LARP4B: variants seen among roughly 807,000 people sequenced by gnomAD.
The protein encoded by LARP4B is La ribonucleoprotein 4B, also known as la-related protein 4B.
Under a neutral mutation model 89.8 loss-of-function variants are expected in LARP4B, and 12 were observed. That is an observed-to-expected ratio of 0.13 (90% CI 0.09 to 0.22). The LOEUF (loss-of-function observed/expected upper bound fraction) is 0.22. LARP4B is among the 10% of genes least tolerant of loss of function. The pLI is 1.00. For missense variants in LARP4B, 757 were observed against 947.7 expected (o/e 0.80, Z 2.64); for synonymous variants, 367 against 363.3 (o/e 1.01, Z -0.12).
chr10:921,380 T>C (rs1836974274), intron 1 of LARP4B, among the ~76,000 whole-genome samples: 1 of 152,202 alleles, frequency 6.6e-6, no homozygotes, highest in South Asian at 2.1e-4. Flanking sequence ...TATAACGATT[T>C]TGGGAAAACA....
At chr10:851,761 C>A (rs1364852768) in intron 5 of LARP4B, among the ~76,000 whole-genome samples, 1 of 152,080 alleles carries the variant, frequency 6.6e-6, no homozygotes, top group Non-Finnish European at 1.5e-5. Context: ...GAAAGCTTTC[C>A]CACAAATAAA....
At position 863,753 on chromosome 10, in the gene LARP4B, A is replaced by G. The variant is rs1419749059; in HGVS notation, c.420T>C (p.Asn140=). Residue 140 remains asparagine (N), a synonymous_variant, in exon 5 of 18, where the codon AAT becomes AAC. Coordinates refer to ENST00000316157, the MANE Select transcript of LARP4B (RefSeq NM_015155.3). ...GPSEYDSLPE[N]SETGGNESQP... is the part of the protein sequence containing the mutation. ...ATAAGATATGTTTACCTGTCTCGCT[A>G]TTTTCAGGCAGAGAGTCATATTCTG... 1.2e-6 allele frequency: 2 copies of G among 1,605,488 alleles called. No individual in the cohort carries two copies. Among genetic ancestry groups the G allele is most frequent in the South Asian group, 1.1e-5 (1 of 89,434 alleles).
chr10:829,633 G>A, intron 10 of LARP4B, 39 bp from the exon 11 acceptor site: 1 of 1,609,246 alleles, frequency 6.2e-7, no homozygotes, highest in Non-Finnish European at 8.5e-7. Context: ...GAATACTTAA[G>A]AACATCAATT....
At chr10:941,939 C>T in the LARP4B span, among the ~76,000 whole-genome samples, 2 of 152,098 alleles carry the variant, frequency 1.3e-5, no homozygotes, top group African/African-American at 2.4e-5. Flanking sequence ...GCATGTATGG[C>T]TCAGTACATT....
chr10:875,940 G>C (rs1420109487), intron 3 of LARP4B, among the ~76,000 whole-genome samples: 1 of 152,138 alleles, frequency 6.6e-6, no homozygotes, highest in Non-Finnish European at 1.5e-5. Flanking sequence ...ACTCATTTCA[G>C]CATCAACTTA....
Position 813,150 on chromosome 10 carries a change from G to A in LARP4B, c.1993C>T (p.Pro665Ser), listed in dbSNP as rs1447822598. ...TTTTGTTCTTTTTGGGGTTGCAATG[G>A]GGAAGAAGGAGGCTCTTTACTCGTT... ...QRTSKEPPSS[P>S]LQPQKEQKPN... Residue 665 changes from proline to serine, a missense_variant, in exon 18 of 18, where the codon CCA becomes TCA. Physicochemically the swap from Pro to Ser is moderately conservative, Grantham distance 74. Transcript: ENST00000316157. 1 of 1,613,876 alleles carries A rather than the reference G, an allele frequency of 6.2e-7. No homozygotes were observed. Among genetic ancestry groups the A allele is most frequent in the African/African-American group, 1.3e-5 (1 of 74,878 alleles).
At chr10:916,998 G>A (rs1836838918) in intron 1 of LARP4B, among the ~76,000 whole-genome samples, 1 of 152,122 alleles carries the variant, frequency 6.6e-6, no homozygotes, top group South Asian at 2.1e-4. Flanking sequence ...GCGCCAGGTG[G>A]TAAGTACTCT....
chr10:916,143 CATGAG>C (rs980010242), intron 1 of LARP4B, among the ~76,000 whole-genome samples: 2 of 152,166 alleles, frequency 1.3e-5, no homozygotes, highest in Non-Finnish European at 2.9e-5. Flanking sequence ...TCCAACGTTA[CATGAG>C]ATTTCTGAAA....
At chr10:854,306 C>T (rs962222835) in intron 5 of LARP4B, among the ~76,000 whole-genome samples, 1 of 152,146 alleles carries the variant, frequency 6.6e-6, no homozygotes, top group African/African-American at 2.4e-5. Context: ...CCTTCCCTCA[C>T]GAATCACAAA....
chr10:955,606 C>T, the LARP4B span, among the ~76,000 whole-genome samples: 1 of 152,182 alleles, frequency 6.6e-6, no homozygotes, highest in Non-Finnish European at 1.5e-5. This position sits in a 1 kb window ranked among gnomAD's most constrained non-coding sequence, Gnocchi z 5.2. Flanking sequence ...CCACACGTGT[C>T]TCCACCTGTT....
chr10:880,118 C>CA (rs1835611550), intron 3 of LARP4B, among the ~76,000 whole-genome samples: 1 of 152,070 alleles, frequency 6.6e-6, no homozygotes, highest in Non-Finnish European at 1.5e-5. Context: ...AACAACCTGC[C>CA]AAAAGGTCTA....
At chr10:936,325 A>G (rs1222451883), upstream of LARP4B, among the ~76,000 whole-genome samples, 2 of 152,088 alleles carry the variant, frequency 1.3e-5, no homozygotes, top group African/African-American at 4.8e-5. Flanking sequence ...GGTCCAAGCC[A>G]ACTTAAGAAG....
the LARP4B span, chr10:971,354 A>G: frequency 6.6e-6 from 1 of 152,090 alleles, no homozygotes; most frequent in African/African-American, 2.4e-5. Context: ...CTGGGCTCCC[A>G]CCCCTCGCTC....
the LARP4B span, among the ~76,000 whole-genome samples, chr10:950,452 T>A: frequency 5.9e-5 from 9 of 152,366 alleles, no homozygotes; most frequent in African/African-American, 2.2e-4. Flanking sequence ...ATCACTTTAT[T>A]CCTTTTCAAA....
At chr10:876,004 C>T (rs974983460) in intron 3 of LARP4B, among the ~76,000 whole-genome samples, 1 of 152,174 alleles carries the variant, frequency 6.6e-6, no homozygotes, top group Admixed American at 6.5e-5. Context: ...GCACAATTCA[C>T]CCCAAGATCA....
chr10:836,762 A>G (rs1396315547), intron 7 of LARP4B, among the ~76,000 whole-genome samples: 1 of 152,218 alleles, frequency 6.6e-6, no homozygotes, highest in Non-Finnish European at 1.5e-5. Flanking sequence ...ATGAAAATAC[A>G]GGGTTAACGG....
At chr10:846,617 G>C (rs893487275) in intron 5 of LARP4B, among the ~76,000 whole-genome samples, 4 of 152,182 alleles carry the variant, frequency 2.6e-5, no homozygotes, top group African/African-American at 9.7e-5. Flanking sequence ...TGAGATCAAG[G>C]AGGACGTTAA....
chr10:826,209 G>T (rs993076984), intron 11 of LARP4B, among the ~76,000 whole-genome samples: 1 of 152,196 alleles, frequency 6.6e-6, no homozygotes. Flanking sequence ...TCCATCACTG[G>T]CAGGAAGTCA....
rs1394613480 is a variant in LARP4B, at chr10:822,286, G to A, written c.1485-1441C>T. ...TGGTGTCAGCACCTGCTTGCCCAGA[G>A]GCATTGCCCTGAGCGCTGGACAGAG... On this transcript the variant is annotated intron_variant, in intron 13 of 17. Coordinates refer to ENST00000316157, the MANE Select transcript of LARP4B (RefSeq NM_015155.3). The surrounding 1 kb of genome is among the most constrained non-coding windows in gnomAD (Gnocchi z 4.6). 1.3e-5 allele frequency among the ~76,000 whole-genome samples: 2 copies of A among 152,228 alleles called. No homozygotes were observed. The highest frequency in any genetic ancestry group is 4.8e-5 in the African/African-American group (2 of 41,462).
Sources: gnomAD v4.1 joint callset for allele counts (sites outside exome capture counted in the v4.1 genomes callset) on GRCh38, gnomAD v4.1.1 for gene constraint, Gnocchi (gnomAD v3.1) non-coding constraint, MANE v1.5 for transcripts, NCBI Gene and HGNC (gene_info 2026-07-23, HGNC 2026-07-21) for gene names.